CDH12: variants seen among roughly 807,000 people sequenced by gnomAD.
CDH12 encodes the protein cadherin 12.
In CDH12, 41 loss-of-function variants were observed where a neutral mutation model predicts 74.1. That is an observed-to-expected ratio of 0.55 (90% CI 0.43 to 0.72). The LOEUF is 0.72. Ranked by LOEUF, CDH12 falls within the 30% of genes least tolerant of loss-of-function variation. The pLI, the probability that CDH12 is intolerant of heterozygous loss-of-function variation, is 0.00. For missense variants in CDH12, 945 were observed against 977.2 expected (o/e 0.97, Z 0.44); for synonymous variants, 399 against 355.0 (o/e 1.12, Z -1.39).
intron 3 of CDH12, among the ~76,000 whole-genome samples, chr5:22,217,450 C>A (rs1463158268): frequency 6.6e-6 from 1 of 151,438 alleles, no homozygotes; most frequent in Non-Finnish European, 1.5e-5. Flanking sequence ...ATTTAGTAGA[C>A]AATTATTTTA....
At chr5:21,763,259 C>G (rs1744827164) in intron 12 of CDH12, among the ~76,000 whole-genome samples, 1 of 152,162 alleles carries the variant, frequency 6.6e-6, no homozygotes. Context: ...TACTCTATGT[C>G]TGCAGTCACC....
chr5:22,455,657 G>C (rs1432865967), intron 2 of CDH12, among the ~76,000 whole-genome samples: 1 of 152,176 alleles, frequency 6.6e-6, no homozygotes, highest in South Asian at 2.1e-4. Context: ...AAATCTGGAA[G>C]TGATCAGCAC....
chr5:22,716,405 C>T (rs1159504053), intron 1 of CDH12, among the ~76,000 whole-genome samples: 1 of 146,992 alleles, frequency 6.8e-6, no homozygotes, highest in Non-Finnish European at 1.5e-5. Flanking sequence ...TTGCTGCTGT[C>T]ATAACTTGCT....
intron 1 of CDH12, among the ~76,000 whole-genome samples, chr5:22,782,044 C>T (rs180786748): frequency 6.6e-6 from 1 of 152,134 alleles, no homozygotes; most frequent in African/African-American, 2.4e-5. Flanking sequence ...GTCTGTACCC[C>T]ACATTGTATT....
At chr5:21,883,955 T>A in intron 6 of CDH12, 3 of 1,607,340 alleles carry the variant, frequency 1.9e-6, no homozygotes, top group South Asian at 2.2e-5. Flanking sequence ...ACTCATTGAC[T>A]CCAGCTAATG....
At chr5:21,862,778 C>T (rs1751113016) in intron 6 of CDH12, among the ~76,000 whole-genome samples, 1 of 151,994 alleles carries the variant, frequency 6.6e-6, no homozygotes, top group Admixed American at 6.6e-5. Flanking sequence ...AATATATGGC[C>T]TCTAGAAAAT....
chr5:21,862,996 A>G (rs2150009772), intron 6 of CDH12, among the ~76,000 whole-genome samples: 1 of 152,252 alleles, frequency 6.6e-6, no homozygotes, highest in African/African-American at 2.4e-5. Flanking sequence ...CACAAGATTG[A>G]TCCTATTACT....
In CDH12 at chr5:22,344,703, TA is replaced by T. The variant is rs1283988023; in HGVS notation, c.-333+60553del. Among the ~76,000 whole-genome samples, 5 of 152,118 alleles carry T rather than the reference TA, an allele frequency of 3.3e-5. No individual in the cohort carries two copies. The East Asian group carries it at 9.6e-4, about 29-fold the overall frequency. ...CTAAAGCCTTCATTTAAAAAATAAT[TA>T]AAAAGCATGAAAGCAATATGTATTT... is the stretch of plus-strand genomic sequence containing the variant. On this transcript the variant is annotated intron_variant, in intron 3 of 14. Coordinates refer to ENST00000382254, the MANE Select transcript of CDH12 (RefSeq NM_004061.5).
chr5:22,317,803 A>G (rs1390476521), intron 3 of CDH12, among the ~76,000 whole-genome samples: 1 of 152,200 alleles, frequency 6.6e-6, no homozygotes, highest in East Asian at 1.9e-4. Context: ...GCCAAGTGAC[A>G]TGAAGTTAAA....
chr5:22,356,772 G>A (rs749119974), intron 3 of CDH12, among the ~76,000 whole-genome samples: 23 of 151,968 alleles, frequency 1.5e-4, no homozygotes, highest in Admixed American at 3.3e-4. Context: ...ATGTAGGCTC[G>A]GATCTCAAGG....
At position 21,750,894 on chromosome 5, in the gene CDH12, T is replaced by C. The variant is rs1207748903; in HGVS notation, c.*843A>G. ...TATTAAGCAAAACCAATATTTATTT[T>C]AATGTGTAATTTGAGCCCTGAGGCC... On this transcript the variant is annotated 3_prime_UTR_variant, in exon 15 of 15. Transcript: ENST00000382254. 1 of 152,038 alleles carries C rather than the reference T, an allele frequency of 6.6e-6. No homozygotes were observed. Among genetic ancestry groups the C allele is most frequent in the Non-Finnish European group, 1.5e-5 (1 of 67,982 alleles). 9.4% of individuals were successfully genotyped at this position (152,038 alleles called of 1,614,324 possible).
At chr5:22,268,044 C>A (rs1256407522) in intron 3 of CDH12, among the ~76,000 whole-genome samples, 2 of 152,130 alleles carry the variant, frequency 1.3e-5, no homozygotes, top group Non-Finnish European at 2.9e-5. Context: ...GAACAATCTT[C>A]AATCACTCCT....
chr5:21,767,408 C>CA (rs1745089022), intron 11 of CDH12, among the ~76,000 whole-genome samples: 1 of 151,586 alleles, frequency 6.6e-6, no homozygotes, highest in South Asian at 2.1e-4. Context: ...TTCTAACCTA[C>CA]AAAATAGATT....
At chr5:22,485,497 T>C (rs1227052050) in intron 2 of CDH12, among the ~76,000 whole-genome samples, 1 of 152,246 alleles carries the variant, frequency 6.6e-6, no homozygotes, top group East Asian at 1.9e-4. Flanking sequence ...TCTTAAAATA[T>C]ATTTTTCATC....
chr5:22,091,516 T>G (rs1443966803), intron 4 of CDH12, among the ~76,000 whole-genome samples: 1 of 151,494 alleles, frequency 6.6e-6, no homozygotes, highest in Admixed American at 6.6e-5. Context: ...AAGTGAAAAA[T>G]GCATATGCTG....
In CDH12 at chr5:21,883,932, A is replaced by T; in HGVS notation, c.527-29142T>A. The T allele has an allele frequency of 1.9e-6, 3 of 1,608,714 alleles. No homozygotes were observed. In the South Asian group the frequency reaches 3.3e-5, roughly 18 times the overall value. ...AGGGGGTTTTGCCCTCCTTCGATGC[A>T]TTCCAGCCTTGGACTCATTGACTCC... On this transcript the variant is annotated intron_variant, in intron 6 of 14. Transcript: ENST00000382254.
At chr5:21,923,007 C>T (rs1169861031) in intron 6 of CDH12, among the ~76,000 whole-genome samples, 5 of 149,432 alleles carry the variant, frequency 3.3e-5, no homozygotes, top group South Asian at 4.2e-4. Context: ...GAGAGGAGCA[C>T]GCACCCACGT....
chr5:22,808,415 A>G (rs1384208248), intron 1 of CDH12, among the ~76,000 whole-genome samples: 1 of 152,108 alleles, frequency 6.6e-6, no homozygotes, highest in African/African-American at 2.4e-5. Context: ...GAAAATTTTA[A>G]ATGCTTACTT....
intron 1 of CDH12, among the ~76,000 whole-genome samples, chr5:22,545,165 G>T (rs902214646): frequency 4.6e-5 from 7 of 152,130 alleles, no homozygotes; most frequent in African/African-American, 1.7e-4. Flanking sequence ...ATGTTATTGT[G>T]CTGGGACACT....
Sources: gnomAD v4.1 joint callset for allele counts (sites outside exome capture counted in the v4.1 genomes callset) on GRCh38, gnomAD v4.1.1 for gene constraint, MANE v1.5 for transcripts, NCBI Gene and HGNC (gene_info 2026-07-23, HGNC 2026-07-21) for gene names.